The following PRKG1 variants were observed in gnomAD, a reference collection of about 807,000 sequenced individuals.
The protein encoded by PRKG1 is protein kinase cGMP-dependent 1.
PRKG1 carries 35 observed loss-of-function variants against 88.1 expected under a neutral mutation model. The ratio of observed to expected loss-of-function variants is 0.40; its 90% confidence interval spans 0.30 to 0.53. PRKG1 has a LOEUF of 0.53. PRKG1 is among the 20% of genes least tolerant of loss of function. The probability of loss-of-function intolerance (pLI) is 0.59; values close to 1 mark genes in which losing one functional copy is unlikely to be tolerated. For synonymous variants in PRKG1, 303 were observed against 292.5 expected (o/e 1.04, Z -0.37); for missense variants, 540 against 839.8 (o/e 0.64, Z 4.41).
chr10:51,406,324 G>A (rs998574431), intron 2 of PRKG1, among the ~76,000 whole-genome samples: 79 of 152,238 alleles, frequency 5.2e-4, no homozygotes, highest in Non-Finnish European at 1.1e-3. Context: ...GAGTAGATCC[G>A]CTAAGATTTC....
At chr10:51,953,641 A>T (rs1436318586) in intron 5 of PRKG1, among the ~76,000 whole-genome samples, 4 of 152,126 alleles carry the variant, frequency 2.6e-5, no homozygotes, top group Non-Finnish European at 5.9e-5. Flanking sequence ...GCAGTGTGTC[A>T]GTAAGTGCTT....
rs980063226 is a variant in PRKG1, at chr10:52,282,326, T to G, written c.1709+10T>G. On this transcript the variant is annotated intron_variant, in intron 14 of 17. Transcript: ENST00000373980. The stretch of plus-strand genomic sequence containing the variant: ...AACTCCTGACTGGCAGGTATGGATA[T>G]TGATAGGGAACTGCTGATAAAAATA... 4 of 1,580,236 alleles carry G rather than the reference T, an allele frequency of 2.5e-6. No homozygotes were observed. The African/African-American group carries it at 5.4e-5, about 21-fold the overall frequency.
intron 9 of PRKG1, among the ~76,000 whole-genome samples, chr10:52,202,212 T>C (rs937172443): frequency 1.1e-4 from 17 of 152,278 alleles, no homozygotes; most frequent in African/African-American, 3.4e-4. Flanking sequence ...TTTTGAAGTA[T>C]GTTCCTTCAA....
intron 3 of PRKG1, among the ~76,000 whole-genome samples, chr10:51,614,966 TCTTTGAATATATTCAA>T: frequency 6.8e-6 from 1 of 147,402 alleles, no homozygotes; most frequent in African/African-American, 2.5e-5. Context: ...AATATATCCA[TCTTTGAATATATTCAA>T]CTTTGAATAT....
At chr10:51,993,291 G>A (rs1844357721) in intron 5 of PRKG1, among the ~76,000 whole-genome samples, 1 of 151,598 alleles carries the variant, frequency 6.6e-6, no homozygotes, top group Non-Finnish European at 1.5e-5. Context: ...AGTAGTATAG[G>A]CTATGTATAT....
chr10:51,508,811 T>C (rs1487618644), intron 3 of PRKG1, among the ~76,000 whole-genome samples: 2 of 152,316 alleles, frequency 1.3e-5, no homozygotes, highest in East Asian at 3.9e-4. Context: ...AGAAGGCATT[T>C]AATCTACCTT....
chr10:52,038,031 A>G (rs1445385243), intron 5 of PRKG1, among the ~76,000 whole-genome samples: 1 of 152,242 alleles, frequency 6.6e-6, no homozygotes, highest in Non-Finnish European at 1.5e-5. Context: ...TTTTACGACA[A>G]GAATTACTTA....
chr10:51,678,854 C>T lies in PRKG1; in HGVS notation c.593-125731C>T, dbSNP rs375545736. On this transcript the variant is annotated intron_variant, in intron 3 of 17. Coordinates refer to ENST00000373980, the MANE Select transcript of PRKG1 (RefSeq NM_006258.4). ...GCTGGATGTTCCACACAAACTACCCCAGGGGCTTCAGGGTGAACATCAGTT... is the reference window on the plus strand; with the variant it reads ...GCTGGATGTTCCACACAAACTACCCTAGGGGCTTCAGGGTGAACATCAGTT... Among the ~76,000 whole-genome samples the T allele has an allele frequency of 5.3e-5, 8 of 152,262 alleles. No individual in the cohort carries two copies. In the East Asian group the frequency reaches 9.7e-4, roughly 18 times the overall value.
intron 4 of PRKG1, among the ~76,000 whole-genome samples, chr10:51,844,241 A>G (rs1042147373): frequency 2.6e-5 from 4 of 152,200 alleles, no homozygotes; most frequent in African/African-American, 9.6e-5. Context: ...ATAAGAGACT[A>G]TTAAACGTAC....
chr10:51,384,356 G>A (rs188464727), intron 2 of PRKG1, among the ~76,000 whole-genome samples: 1 of 151,932 alleles, frequency 6.6e-6, no homozygotes, highest in Non-Finnish European at 1.5e-5. Flanking sequence ...ACTCCCATAG[G>A]AGCCTGAGAC....
chr10:51,433,862 C>T (rs902797806), intron 2 of PRKG1, among the ~76,000 whole-genome samples: 1 of 152,070 alleles, frequency 6.6e-6, no homozygotes, highest in Non-Finnish European at 1.5e-5. Context: ...ATTAACCATA[C>T]TTAGTCTCTA....
chr10:51,208,978 G>A (rs1404033399), intron 2 of PRKG1, among the ~76,000 whole-genome samples: 1 of 152,146 alleles, frequency 6.6e-6, no homozygotes, highest in African/African-American at 2.4e-5. Flanking sequence ...AAACACTGCA[G>A]AGTTTACTAG....
At chr10:51,008,544 C>T (rs1842962115) in intron 1 of PRKG1, among the ~76,000 whole-genome samples, 1 of 152,148 alleles carries the variant, frequency 6.6e-6, no homozygotes, top group Non-Finnish European at 1.5e-5. Context: ...GACTTGCATT[C>T]CAATCTTTGC....
intron 3 of PRKG1, among the ~76,000 whole-genome samples, chr10:51,659,690 T>C (rs1242020710): frequency 2.6e-5 from 4 of 152,104 alleles, no homozygotes; most frequent in Non-Finnish European, 5.9e-5. Flanking sequence ...GTTTGAAGCC[T>C]ATTCCAATTT....
At chr10:51,468,838 A>G (rs1003564243) in intron 3 of PRKG1, among the ~76,000 whole-genome samples, 6 of 151,064 alleles carry the variant, frequency 4.0e-5, no homozygotes, top group African/African-American at 1.2e-4. Context: ...CTGAAAATAC[A>G]ACAATGAAAT....
intron 3 of PRKG1, among the ~76,000 whole-genome samples, chr10:51,507,822 C>T (rs1589028888): frequency 6.6e-6 from 1 of 152,224 alleles, no homozygotes; most frequent in African/African-American, 2.4e-5. Flanking sequence ...TTCTCCCTGA[C>T]CATTAAATGC....
At chr10:51,750,860 T>C (rs1220755608) in intron 3 of PRKG1, among the ~76,000 whole-genome samples, 1 of 151,688 alleles carries the variant, frequency 6.6e-6, no homozygotes, top group Non-Finnish European at 1.5e-5. Flanking sequence ...TCTAAAAGAA[T>C]ATTTTCAATT....
intron 3 of PRKG1, among the ~76,000 whole-genome samples, chr10:51,747,242 T>C (rs1026120922): frequency 2.6e-5 from 4 of 152,162 alleles, no homozygotes; most frequent in African/African-American, 7.2e-5. Flanking sequence ...AGACTGAAAA[T>C]GTGCAGGTGC....
At chr10:51,199,738 C>T (rs907834525) in intron 2 of PRKG1, among the ~76,000 whole-genome samples, 1 of 152,210 alleles carries the variant, frequency 6.6e-6, no homozygotes, top group Non-Finnish European at 1.5e-5. Flanking sequence ...CATCTCAAGG[C>T]AGCCTCCTTT....
Sources: allele counts gnomAD v4.1 joint callset (sites outside exome capture counted in the v4.1 genomes callset), GRCh38; gene constraint gnomAD v4.1.1; transcripts MANE v1.5; gene names NCBI Gene and HGNC (gene_info 2026-07-23, HGNC 2026-07-21).